Variants in SERGEF observed in about 807,000 individuals in gnomAD.
SERGEF encodes the protein secretion regulating guanine nucleotide exchange factor.
SERGEF carries 51 observed loss-of-function variants against 50.0 expected under a neutral mutation model. That is an observed-to-expected ratio of 1.02 (90% CI 0.81 to 1.29). The LOEUF (loss-of-function observed/expected upper bound fraction) is 1.29, where lower values mean the gene tolerates loss of function less well. SERGEF is among the 50% of genes most tolerant of loss of function. SERGEF has a pLI of 0.00. For synonymous variants in SERGEF, 205 were observed against 212.4 expected (o/e 0.97, Z 0.30); for missense variants, 521 against 557.0 (o/e 0.94, Z 0.65).
intron 9 of SERGEF, among the ~76,000 whole-genome samples, chr11:17,920,106 G>T (rs975474945): frequency 1.3e-5 from 2 of 150,892 alleles, no homozygotes; most frequent in Non-Finnish European, 2.9e-5. Context: ...AATTAGCTGG[G>T]CATGGTGGCA....
Position 18,012,932 on chromosome 11 carries a change from CG to C in SERGEF, c.60+18del. ...GCGCCCCTCAGGGCCTGCACCGGCC[CG>C]GGGGCGGAGTCACGTACCCAGGCGA... On this transcript the variant is annotated intron_variant, in intron 1 of 10. Transcript: ENST00000265965. The C allele has an allele frequency of 6.6e-7, 1 of 1,518,704 alleles. No homozygotes were observed. Among genetic ancestry groups the C allele is most frequent in the South Asian group, 1.2e-5 (1 of 82,542 alleles). The allele number at this position is 1,518,704 out of a possible 1,614,324, so 94.1% of individuals were successfully genotyped here. A position where few individuals can be genotyped will look rare whatever the true frequency, so the allele number is the denominator to read the frequency against.
intron 9 of SERGEF, among the ~76,000 whole-genome samples, chr11:17,956,474 C>T (rs1208838132): frequency 2.6e-5 from 4 of 152,198 alleles, no homozygotes; most frequent in Admixed American, 2.6e-4. Flanking sequence ...AACACCTGCA[C>T]ACAGGTTTAT....
intron 5 of SERGEF, among the ~76,000 whole-genome samples, chr11:17,996,811 G>A (rs1466749434): frequency 1.3e-5 from 2 of 150,464 alleles, no homozygotes; most frequent in African/African-American, 4.9e-5. Context: ...AATTGACTTC[G>A]AGAGGAAAAA....
At chr11:17,789,190 G>T (rs1166361217) in intron 10 of SERGEF, among the ~76,000 whole-genome samples, 2 of 152,136 alleles carry the variant, frequency 1.3e-5, no homozygotes, top group Admixed American at 1.3e-4. Context: ...AGAGGCCAGG[G>T]TCCCTGACCA....
At chr11:17,841,570 T>A (rs1273004533) in intron 10 of SERGEF, among the ~76,000 whole-genome samples, 1 of 152,176 alleles carries the variant, frequency 6.6e-6, no homozygotes, top group African/African-American at 2.4e-5. Context: ...TTTTGCCACA[T>A]CCACTTTTGC....
chr11:17,788,887 C>T (rs1403510835), intron 10 of SERGEF, among the ~76,000 whole-genome samples: 4 of 152,242 alleles, frequency 2.6e-5, no homozygotes, highest in African/African-American at 9.6e-5. Context: ...AGCATCAAGA[C>T]AATCTTCGAC....
intron 8 of SERGEF, among the ~76,000 whole-genome samples, chr11:17,988,241 G>T (rs61882460): frequency 0.11 from 16,480 of 152,192 alleles, 1,195 homozygotes; most frequent in Middle Eastern, 0.21. Flanking sequence ...AACATTTTCT[G>T]ATGCTTTTAA....
At chr11:17,878,358 G>T in intron 9 of SERGEF, 114 bp from the exon 10 acceptor site, 1 of 687,242 alleles carries the variant, frequency 1.5e-6, no homozygotes, top group Non-Finnish European at 2.5e-6. Flanking sequence ...ATTTAGGAAG[G>T]AAATAGAAAG....
Position 17,988,580 on chromosome 11 carries a change from C to A in SERGEF, c.844+17G>T, listed in dbSNP as rs371104255. 6 of 1,612,574 alleles carry A rather than the reference C, an allele frequency of 3.7e-6. No homozygotes were observed. In the African/African-American group the frequency reaches 8.0e-5, roughly 22 times the overall value. ...CAGCTGCTCTTACCAACCGTAAGTT[C>A]TCTGCTACTGTCTCACCTGTCTGAG... On this transcript the variant is annotated intron_variant, in intron 8 of 10. Transcript: ENST00000265965.
intron 8 of SERGEF, among the ~76,000 whole-genome samples, chr11:17,979,830 T>C (rs1171215084): frequency 2.0e-5 from 3 of 152,158 alleles, no homozygotes; most frequent in Non-Finnish European, 4.4e-5. Flanking sequence ...ATCTTCGAAG[T>C]CCTTTTAATT....
At chr11:17,794,483 T>C in intron 10 of SERGEF, among the ~76,000 whole-genome samples, 1 of 152,204 alleles carries the variant, frequency 6.6e-6, no homozygotes, top group Admixed American at 6.5e-5. Context: ...AAGTAATTTG[T>C]CTATAGCCAC....
chr11:17,970,665 A>G (rs1316753886), intron 8 of SERGEF, among the ~76,000 whole-genome samples: 1 of 152,224 alleles, frequency 6.6e-6, no homozygotes, highest in Non-Finnish European at 1.5e-5. Flanking sequence ...TGAAATTAAA[A>G]GTGCTTCGCT....
chr11:17,791,492 G>A (rs978939691), intron 10 of SERGEF, among the ~76,000 whole-genome samples: 3 of 152,188 alleles, frequency 2.0e-5, no homozygotes, highest in African/African-American at 7.2e-5. Flanking sequence ...GGTATCTCTT[G>A]TTTTAATATG....
intron 4 of SERGEF, among the ~76,000 whole-genome samples, chr11:18,003,131 T>C (rs892510993): frequency 6.6e-6 from 1 of 152,138 alleles, no homozygotes; most frequent in African/African-American, 2.4e-5. Context: ...AACAACTGAG[T>C]TCAGCAAGCT....
At chr11:17,968,590 G>C (rs963328556) in intron 8 of SERGEF, among the ~76,000 whole-genome samples, 1 of 151,934 alleles carries the variant, frequency 6.6e-6, no homozygotes, top group Non-Finnish European at 1.5e-5. Context: ...TGTAGTCCTA[G>C]CTATTCCAGA....
At chr11:17,988,526 C>T in intron 8 of SERGEF, 71 bp downstream of exon 8, 1 of 1,484,956 alleles carries the variant, frequency 6.7e-7, no homozygotes. Flanking sequence ...TAACCCCAAG[C>T]ACTCATGGCT....
At chr11:17,931,111 T>G (rs1309543981) in intron 9 of SERGEF, among the ~76,000 whole-genome samples, 1 of 152,220 alleles carries the variant, frequency 6.6e-6, no homozygotes, top group Non-Finnish European at 1.5e-5. Flanking sequence ...TATCATTTAT[T>G]TGTCACTTGC....
chr11:17,844,023 T>C (rs1850555411), intron 10 of SERGEF, among the ~76,000 whole-genome samples: 1 of 152,154 alleles, frequency 6.6e-6, no homozygotes, highest in East Asian at 1.9e-4. Flanking sequence ...GGCCCAGGAA[T>C]GTATATGTTT....
intron 4 of SERGEF, among the ~76,000 whole-genome samples, chr11:18,001,345 T>C (rs1029527348): frequency 1.3e-5 from 2 of 152,164 alleles, no homozygotes; most frequent in African/African-American, 4.8e-5. Context: ...ATAAAGAGAA[T>C]AAAGCAGCAA....
Sources: gnomAD v4.1 joint callset for allele counts (sites outside exome capture counted in the v4.1 genomes callset) on GRCh38, gnomAD v4.1.1 for gene constraint, MANE v1.5 for transcripts, NCBI Gene and HGNC (gene_info 2026-07-23, HGNC 2026-07-21) for gene names.